ZSCAN32: variants seen among roughly 807,000 people sequenced by gnomAD.
The protein encoded by ZSCAN32 is zinc finger and SCAN domain containing 32.
ZSCAN32 carries 52 observed loss-of-function variants against 47.4 expected under a neutral mutation model. The ratio of observed to expected loss-of-function variants is 1.10; its 90% CI spans 0.88 to 1.38. The LOEUF (loss-of-function observed/expected upper bound fraction) is 1.38, where lower values mean the gene tolerates loss of function less well. Ranked by LOEUF, ZSCAN32 falls within the 40% of genes most tolerant of loss-of-function variation. ZSCAN32 has a pLI of 0.00. For synonymous variants in ZSCAN32, 346 were observed against 305.7 expected, an observed-to-expected ratio of 1.13 and a Z score of -1.38; for missense variants, 959 against 846.0, an observed-to-expected ratio of 1.13 and a Z score of -1.66.
intron 2 of ZSCAN32, among the ~76,000 whole-genome samples, chr16:3,396,722 G>T (rs977532143): frequency 1.3e-5 from 2 of 152,190 alleles, no homozygotes; most frequent in African/African-American, 4.8e-5. Context: ...GATATTTTAT[G>T]AATCCATCAG....
chr16:3,390,439 C>T lies in ZSCAN32; in HGVS notation c.611G>A (p.Trp204Ter). Residue 204 changes from tryptophan (W) to a stop codon, truncating the protein, a stop_gained, in exon 4 of 7, where the codon TGG becomes TAG. Transcript: ENST00000396852. LOFTEE classifies it high-confidence loss of function. ...ACAGCTCACCTGGGACCCAGCTGTC[C>T]AGACCACAGCACCTGTCTCCTGGTC... Reference protein sequence around the residue: ...LHDQETGAVVWTAGSQGPAMR... With the variant: ...LHDQETGAVV The T allele has an allele frequency of 6.5e-7, 1 of 1,550,168 alleles. No individual in the cohort carries two copies. The highest frequency in any genetic ancestry group is 8.7e-7 in the Non-Finnish European group (1 of 1,146,920).
chr16:3,383,422 G>C lies in ZSCAN32; in HGVS notation c.1524C>G (p.His508Gln). 6.2e-7 allele frequency: 1 copy of C among 1,614,218 alleles called. No homozygotes were observed. The highest frequency in any genetic ancestry group is 2.2e-5 in the East Asian group (1 of 44,880). Residue 508 changes from histidine (H) to glutamine (Q), a missense_variant, in exon 7 of 7, where the codon CAC becomes CAG. Transcript: ENST00000396852. The stretch of plus-strand genomic sequence containing the variant: ...GTTTGAGCGCTGGCTTGTGGGGAGA[G>C]TGCACACTCTGAGAGCAGTTTTTCC... ...LCGKNCSQSVHSPHKPALKLE... is the reference protein window; with the variant it reads ...LCGKNCSQSVQSPHKPALKLE...
chr16:3,390,177 C>T, intron 4 of ZSCAN32, 44 bp from the exon 5 acceptor site: 2 of 1,546,970 alleles, frequency 1.3e-6, no homozygotes, highest in Non-Finnish European at 1.7e-6. Flanking sequence ...AATAGCACCA[C>T]TCTAGCCTGG....
chr16:3,388,509 A>G lies in ZSCAN32; in HGVS notation c.751+1501T>C, dbSNP rs79479135. Among the ~76,000 whole-genome samples, 804 of 152,234 alleles carry G rather than the reference A, an allele frequency of 5.3e-3. 6 individuals carry two copies. The highest frequency in any genetic ancestry group is 0.017 in the African/African-American group (710 of 41,530). Reference sequence around the variant, plus strand: ...TCTTCTGCCGCTTACTGATTATGCTATGGTCTGTCTCTTCCCACAGGGCAG... The same window carrying G: ...TCTTCTGCCGCTTACTGATTATGCTGTGGTCTGTCTCTTCCCACAGGGCAG... On this transcript the variant is annotated intron_variant, in intron 5 of 6. Coordinates refer to ENST00000396852, the MANE Select transcript of ZSCAN32 (RefSeq NM_001284527.2).
Position 3,390,451 on chromosome 16 carries a change from C to T in ZSCAN32, c.599G>A (p.Gly200Asp). Residue 200 changes from glycine to aspartate, a missense_variant, in exon 4 of 7, where the codon GGT becomes GAT. By Grantham distance (94) the Gly-to-Asp change is moderately conservative (BLOSUM62 -1). Coordinates refer to ENST00000396852, the MANE Select transcript of ZSCAN32 (RefSeq NM_001284527.2). Reference sequence around the variant, plus strand: ...GGACCCAGCTGTCCAGACCACAGCACCTGTCTCCTGGTCGTGGAGACCTGT... The same window carrying T: ...GGACCCAGCTGTCCAGACCACAGCATCTGTCTCCTGGTCGTGGAGACCTGT... ...QNTGLHDQET[G>D]AVVWTAGSQG... The T allele has an allele frequency of 6.5e-7, 1 of 1,550,212 alleles. No individual in the cohort carries two copies. The highest frequency in any genetic ancestry group is 8.7e-7 in the Non-Finnish European group (1 of 1,146,966).
chr16:3,400,205 C>T (rs937515393), intron 1 of ZSCAN32, among the ~76,000 whole-genome samples: 1 of 152,178 alleles, frequency 6.6e-6, no homozygotes, highest in African/African-American at 2.4e-5. Flanking sequence ...CTTTACATTT[C>T]AGTGCTTCTA....
intron 3 of ZSCAN32, among the ~76,000 whole-genome samples, chr16:3,392,227 T>TA (rs2032792468): frequency 6.6e-6 from 1 of 152,188 alleles, no homozygotes; most frequent in Non-Finnish European, 1.5e-5. Context: ...GTTTAATGGG[T>TA]ACAGGGTTTC....
At chr16:3,396,653 CAAG>C (rs1459107306) in intron 2 of ZSCAN32, among the ~76,000 whole-genome samples, 1 of 152,156 alleles carries the variant, frequency 6.6e-6, no homozygotes, top group African/African-American at 2.4e-5. Context: ...CTCCCTGCTC[CAAG>C]AAAATATAAG....
chr16:3,383,843 T>G, intron 6 of ZSCAN32, 132 bp from the exon 7 acceptor site: 1 of 975,820 alleles, frequency 1.0e-6, no homozygotes, highest in Non-Finnish European at 1.4e-6. Flanking sequence ...CTCCTGCTAA[T>G]TAATAGCTTT....
At position 3,382,736 on chromosome 16, in the gene ZSCAN32, G is replaced by T. The variant is rs2031363926; in HGVS notation, c.*116C>A. 5 of 1,468,472 alleles carry T rather than the reference G, an allele frequency of 3.4e-6. 1 individual carries two copies. The South Asian group carries it at 4.6e-5, about 14-fold the overall frequency. The allele number at this position is 1,468,472 out of a possible 1,614,324, so 91.0% of individuals were successfully genotyped here. ...TCCTGGTCCTAGACATGGGTCTTAA[G>T]ATCCAGTAGTCAGTAGGTCTGTTGC... is the stretch of plus-strand genomic sequence containing the variant. On this transcript the variant is annotated 3_prime_UTR_variant, in exon 7 of 7. Coordinates refer to ENST00000396852, the MANE Select transcript of ZSCAN32 (RefSeq NM_001284527.2).
At chr16:3,400,249 G>C (rs1232461697) in intron 1 of ZSCAN32, among the ~76,000 whole-genome samples, 1 of 152,068 alleles carries the variant, frequency 6.6e-6, no homozygotes, top group African/African-American at 2.4e-5. Context: ...ATTATTGTTA[G>C]CACTGCTTTC....
chr16:3,391,535 C>T (rs1017533609), intron 3 of ZSCAN32, among the ~76,000 whole-genome samples: 15 of 151,876 alleles, frequency 9.9e-5, no homozygotes, highest in Admixed American at 8.5e-4. Flanking sequence ...AAAAATTAGC[C>T]GGGCGTGGTG....
At position 3,383,587 on chromosome 16, in the gene ZSCAN32, T is replaced by G. The variant is rs2031535574; in HGVS notation, c.1359A>C (p.Lys453Asn). ...TTGATGTTGGCTCACTCTCCAAGCCTTTTTGTAGCTCAGAGTGCCAATAAA... is the reference window on the plus strand; with the variant it reads ...TTGATGTTGGCTCACTCTCCAAGCCGTTTTGTAGCTCAGAGTGCCAATAAA... The part of the protein sequence containing the change: ...RGVYWHSELQ[K>N]GLESEPTSRR... The change falls in exon 7 of 7, where the codon AAA becomes AAC. Residue 453 changes from lysine to asparagine, a missense_variant. Lys to Asn is a moderately conservative substitution (Grantham distance 94). Coordinates refer to ENST00000396852, the MANE Select transcript of ZSCAN32 (RefSeq NM_001284527.2). 1.2e-6 allele frequency: 2 copies of G among 1,613,844 alleles called. No homozygotes were observed. Among genetic ancestry groups the G allele is most frequent in the Admixed American group, 3.3e-5 (2 of 59,992 alleles).
At chr16:3,399,137 C>T (rs1159231142) in intron 1 of ZSCAN32, among the ~76,000 whole-genome samples, 2 of 152,280 alleles carry the variant, frequency 1.3e-5, no homozygotes, top group Admixed American at 6.5e-5. Context: ...GCAGGAGAAT[C>T]GCTTGAACCC....
intron 6 of ZSCAN32, 185 bp downstream of exon 6, chr16:3,384,274 A>G: frequency 6.4e-6 from 5 of 787,380 alleles, no homozygotes; most frequent in Admixed American, 2.9e-5. Flanking sequence ...GGCAAATGCA[A>G]AATCAGGGCT....
At position 3,383,223 on chromosome 16, in the gene ZSCAN32, T is replaced by C. The variant is rs761082757; in HGVS notation, c.1723A>G (p.Arg575Gly). The change falls in exon 7 of 7, where the codon AGG (arginine) becomes GGG (glycine). Residue 575 changes from arginine to glycine, a missense_variant. Arg to Gly is a moderately radical substitution (Grantham distance 125). Coordinates refer to ENST00000396852, the MANE Select transcript of ZSCAN32 (RefSeq NM_001284527.2). ...TAHLRTHTGERPYQCGQCGKS... is the reference protein window; with the variant it reads ...TAHLRTHTGEGPYQCGQCGKS... ...CCACATTGCCCACACTGATAGGGCC[T>C]CTCCCCTGTGTGAGTTCGTAGGTGG... is the stretch of plus-strand genomic sequence containing the variant. 1.2e-6 allele frequency: 2 copies of C among 1,613,986 alleles called. No individual in the cohort carries two copies. Among genetic ancestry groups the C allele is most frequent in the African/African-American group, 2.7e-5 (2 of 74,922 alleles).
Position 3,390,535 on chromosome 16 carries a change from C to T in ZSCAN32, c.533-18G>A, listed in dbSNP as rs965578010. ...AAGCCAGGCTGGGGGAAAAAACAGC[C>T]GCTATTAGAGGGCGGCTTCCACACA... On this transcript the variant is annotated intron_variant, in intron 3 of 6. Transcript: ENST00000396852. The T allele has an allele frequency of 9.1e-6, 14 of 1,545,320 alleles. No homozygotes were observed. Among genetic ancestry groups the T allele is most frequent in the Admixed American group, 2.0e-5 (1 of 50,938 alleles).
At chr16:3,383,957 G>A in intron 6 of ZSCAN32, 1 of 502,428 alleles carries the variant, frequency 2.0e-6, no homozygotes, top group Non-Finnish European at 3.5e-6. Flanking sequence ...CTGACACAAT[G>A]ACAAACTGAG....
At chr16:3,393,057 A>G (rs1421729303) in intron 3 of ZSCAN32, among the ~76,000 whole-genome samples, 1 of 145,130 alleles carries the variant, frequency 6.9e-6, no homozygotes, top group Non-Finnish European at 1.5e-5. Flanking sequence ...AATTGTAATA[A>G]AAAAGAATTA....
Sources: allele counts gnomAD v4.1 joint callset (sites outside exome capture counted in the v4.1 genomes callset), GRCh38; gene constraint gnomAD v4.1.1; transcripts MANE v1.5; gene names NCBI Gene and HGNC (gene_info 2026-07-23, HGNC 2026-07-21).